Variants in VPS26C observed in about 807,000 individuals in gnomAD.
VPS26C encodes the protein VPS26 endosomal protein sorting factor C.
VPS26C carries 19 observed loss-of-function variants against 30.6 expected under a neutral mutation model. That is an observed-to-expected ratio of 0.62 (90% confidence interval 0.43 to 0.91). The LOEUF (loss-of-function observed/expected upper bound fraction) is 0.91, where lower values mean the gene tolerates loss of function less well. Among genes scored for constraint, VPS26C ranks in the 40% least tolerant of loss-of-function variants. VPS26C has a pLI of 0.00. For missense variants in VPS26C, 318 were observed against 385.1 expected (o/e 0.83, Z 1.46); for synonymous variants, 132 against 151.5 (o/e 0.87, Z 0.95).
At chr21:37,238,243 A>G in intron 3 of VPS26C, 1 of 536,146 alleles carries the variant, frequency 1.9e-6, no homozygotes, top group Admixed American at 3.7e-5. Context: ...AAGAAGTTAC[A>G]GCACGAGTGC....
Position 37,227,685 on chromosome 21 carries a change from G to A in VPS26C, c.780C>T (p.Cys260=), listed in dbSNP as rs1389095249. 1 of 1,614,172 alleles carries A rather than the reference G, an allele frequency of 6.2e-7. No individual in the cohort carries two copies. The highest frequency in any genetic ancestry group is 8.5e-7 in the Non-Finnish European group (1 of 1,180,018). The part of the protein sequence containing the change: ...IYMVFPRLFT[C]PTLETTNFKV... ...TGAAGTTGGTGGTCTCCAGTGTAGG[G>A]CAGGTGAACAGCCTAGGGAAGACCA... is the stretch of plus-strand genomic sequence containing the variant. The change falls in exon 7 of 8, where the codon TGC becomes TGT. Residue 260 remains cysteine (C), a synonymous_variant. Coordinates refer to ENST00000309117, the MANE Select transcript of VPS26C (RefSeq NM_006052.2).
intron 1 of VPS26C, among the ~76,000 whole-genome samples, chr21:37,255,851 A>ATCTTTTTTTTTTTTTTTTTTTTTTTT (rs2086236853): frequency 9.2e-6 from 1 of 108,514 alleles, no homozygotes; most frequent in African/African-American, 4.6e-5. Flanking sequence ...TATGCACTGC[A>ATCTTTTTTTTTTTTTTTTTTTTTTTT]TTTTTTTTTT....
intron 1 of VPS26C, among the ~76,000 whole-genome samples, chr21:37,243,119 T>C (rs969317970): frequency 2.0e-5 from 3 of 152,070 alleles, no homozygotes; most frequent in Non-Finnish European, 2.9e-5. Flanking sequence ...CAGAGGAAGA[T>C]AGGATACACT....
chr21:37,248,712 T>C (rs568887564), intron 1 of VPS26C, among the ~76,000 whole-genome samples: 182 of 131,150 alleles, frequency 1.4e-3, no homozygotes, highest in African/African-American at 5.2e-3. Flanking sequence ...AGCAACGAAC[T>C]TAAAAAAAAA....
chr21:37,265,010 C>T (rs1488893764), intron 1 of VPS26C, among the ~76,000 whole-genome samples: 3 of 152,014 alleles, frequency 2.0e-5, no homozygotes, highest in Non-Finnish European at 4.4e-5. Context: ...GAACATTACT[C>T]GAAGTAAAAG....
intron 5 of VPS26C, chr21:37,231,509 C>T (rs1382403438): frequency 6.6e-6 from 1 of 152,296 alleles, no homozygotes; most frequent in Non-Finnish European, 1.5e-5. Flanking sequence ...GAAAGGCTCC[C>T]CACGACACAT....
At chr21:37,260,534 A>T (rs1214817511) in intron 1 of VPS26C, among the ~76,000 whole-genome samples, 1 of 152,034 alleles carries the variant, frequency 6.6e-6, no homozygotes, top group East Asian at 1.9e-4. Flanking sequence ...TAAAATACTT[A>T]AAAAAAGAAG....
rs1332732570 is a variant in VPS26C, at chr21:37,234,903, C to T, written c.352-1461G>A. 4.6e-5 allele frequency among the ~76,000 whole-genome samples: 7 copies of T among 151,948 alleles called. No individual in the cohort carries two copies. The East Asian group carries it at 9.7e-4, about 21-fold the overall frequency. On this transcript the variant is annotated intron_variant, in intron 3 of 7. Transcript: ENST00000309117. ...TGTCACCCAGGCTGAAGTGCGGTGG[C>T]GTGATCTCGGTTCACTGCAACCTCC... is the stretch of plus-strand genomic sequence containing the variant.
rs928860285 is a variant in VPS26C, at chr21:37,225,062, C to T, written c.*482G>A. On this transcript the variant is annotated 3_prime_UTR_variant, in exon 8 of 8. Transcript: ENST00000309117. ...GCTAGCACTTTGCGCTCTGCCTTGG[C>T]GAGTATCTGCAAACTTCCTGACCAT... is the stretch of plus-strand genomic sequence containing the variant. 4.7e-5 allele frequency: 8 copies of T among 168,800 alleles called. No individual in the cohort carries two copies. The highest frequency in any genetic ancestry group is 7.8e-5 in the Non-Finnish European group (6 of 76,602). 10.5% of individuals were successfully genotyped at this position (168,800 alleles called of 1,614,324 possible).
At chr21:37,259,164 C>A (rs2086278493) in intron 1 of VPS26C, among the ~76,000 whole-genome samples, 1 of 151,684 alleles carries the variant, frequency 6.6e-6, no homozygotes, top group African/African-American at 2.4e-5. Context: ...ACTGATCATT[C>A]ATTTACTAAG....
intron 1 of VPS26C, among the ~76,000 whole-genome samples, chr21:37,266,527 G>T (rs528600553): frequency 6.6e-6 from 1 of 152,108 alleles, no homozygotes; most frequent in Admixed American, 6.5e-5. Flanking sequence ...GTAGAGTAAG[G>T]GTTGAGATTC....
At chr21:37,254,898 G>C (rs776362496) in intron 1 of VPS26C, among the ~76,000 whole-genome samples, 3 of 152,116 alleles carry the variant, frequency 2.0e-5, no homozygotes, top group African/African-American at 7.2e-5. Context: ...ACGGAACAGG[G>C]TCTCTGCTTC....
intron 5 of VPS26C, chr21:37,230,375 G>T (rs1386705369): frequency 6.6e-6 from 1 of 152,108 alleles, no homozygotes; most frequent in Admixed American, 6.5e-5. Flanking sequence ...ATACTATTTT[G>T]AGTCTGAGCT....
rs145761629 is a variant in VPS26C, at chr21:37,227,707, A to C, written c.758T>G (p.Val253Gly). The stretch of plus-strand genomic sequence containing the variant: ...AGGGCAGGTGAACAGCCTAGGGAAG[A>C]CCATGTAGATGGGGACAGAGAGGCC... Reference protein sequence around the residue: ...CRGLSVPIYMVFPRLFTCPTL... With the variant: ...CRGLSVPIYMGFPRLFTCPTL... The change falls in exon 7 of 8, where the codon GTC becomes GGC. Residue 253 changes from valine (V) to glycine (G), a missense_variant. Physicochemically the swap from Val to Gly is moderately radical, Grantham distance 109. Transcript: ENST00000309117. The C allele has an allele frequency of 2.0e-5, 32 of 1,614,028 alleles. No individual in the cohort carries two copies. Among genetic ancestry groups the C allele is most frequent in the Non-Finnish European group, 2.6e-5 (31 of 1,180,032 alleles).
chr21:37,261,697 G>A (rs1172710715), intron 1 of VPS26C: 1 of 151,536 alleles, frequency 6.6e-6, no homozygotes, highest in African/African-American at 2.4e-5. Context: ...GTTGTACAAT[G>A]ATAGAAAATA....
Position 37,233,932 on chromosome 21 carries a change from G to A in VPS26C, c.352-490C>T, listed in dbSNP as rs1448606452. ...TGAGATCATGTGTGACAAGCACTCA[G>A]CACAGGGCTGGCACAAAGCAATGCT... On this transcript the variant is annotated intron_variant, in intron 3 of 7. Transcript: ENST00000309117. The surrounding 1 kb of genome is among the most constrained non-coding windows in gnomAD (Gnocchi z 5.2). Among the ~76,000 whole-genome samples the A allele has an allele frequency of 6.6e-6, 1 of 152,244 alleles. No homozygotes were observed. The highest frequency in any genetic ancestry group is 1.5e-5 in the Non-Finnish European group (1 of 68,046).
chr21:37,232,643 C>T, intron 4 of VPS26C, 192 bp from the exon 5 acceptor site: 1 of 606,080 alleles, frequency 1.6e-6, no homozygotes, highest in African/African-American at 1.9e-5. Flanking sequence ...TCAGTTTCCT[C>T]ATCTGTAAAA....
At chr21:37,249,463 G>C (rs750170802) in intron 1 of VPS26C, among the ~76,000 whole-genome samples, 1 of 152,096 alleles carries the variant, frequency 6.6e-6, no homozygotes, top group Non-Finnish European at 1.5e-5. Context: ...TTTTCAAAAG[G>C]AACAAAAAGT....
intron 1 of VPS26C, 152 bp downstream of exon 1, chr21:37,267,086 C>CT: frequency 2.6e-6 from 2 of 755,966 alleles, no homozygotes; most frequent in Non-Finnish European, 4.6e-6. Context: ...GGGGACGCAC[C>CT]TGGCGGGAAC....
Sources: gnomAD v4.1 joint callset for allele counts (sites outside exome capture counted in the v4.1 genomes callset) on GRCh38, gnomAD v4.1.1 for gene constraint, Gnocchi (gnomAD v3.1) non-coding constraint, MANE v1.5 for transcripts, NCBI Gene and HGNC (gene_info 2026-07-23, HGNC 2026-07-21) for gene names.